SRGAP2C: variants seen among roughly 807,000 people sequenced by gnomAD.
SRGAP2C encodes SLIT-ROBO Rho GTPase activating protein 2C, also known as SLIT-ROBO Rho GTPase-activating protein 2C.
A neutral mutation model predicts 25.1 loss-of-function variants in SRGAP2C; 15 were observed. The observed-to-expected ratio is 0.60, with a 90% CI of 0.40 to 0.92. SRGAP2C has a LOEUF of 0.92. SRGAP2C is among the 40% of genes least tolerant of loss of function. The pLI is 0.00. For missense variants in SRGAP2C, 144 were observed against 264.4 expected (o/e 0.54, Z 3.16); for synonymous variants, 44 against 96.6 (o/e 0.46, Z 3.19).
At chr1:121,190,908 A>AT (rs1654654744) in intron 2 of SRGAP2C, among the ~76,000 whole-genome samples, 1 of 146,066 alleles carries the variant, frequency 6.8e-6, no homozygotes, top group Non-Finnish European at 1.5e-5. Flanking sequence ...TTGCCTCCCT[A>AT]TAAACCACCT....
At chr1:121,259,748 G>A (rs61790599) in intron 2 of SRGAP2C, among the ~76,000 whole-genome samples, 1 of 149,644 alleles carries the variant, frequency 6.7e-6, no homozygotes, top group Non-Finnish European at 1.5e-5. Context: ...AATTGCTAGT[G>A]TTTAGAAGGT....
chr1:121,225,690 C>G (rs1166265902), intron 2 of SRGAP2C, among the ~76,000 whole-genome samples: 1 of 149,592 alleles, frequency 6.7e-6, no homozygotes. Context: ...TTAATATTGA[C>G]AACTTACAGG....
intron 4 of SRGAP2C, among the ~76,000 whole-genome samples, chr1:121,357,426 G>A (rs1208767215): frequency 5.3e-5 from 8 of 150,114 alleles, no homozygotes; most frequent in South Asian, 2.1e-4. Flanking sequence ...GGAATAGAAG[G>A]TAATTGTATC....
chr1:121,232,651 T>C (rs1209157079), intron 2 of SRGAP2C, among the ~76,000 whole-genome samples: 2 of 151,484 alleles, frequency 1.3e-5, no homozygotes, highest in Admixed American at 1.3e-4. Flanking sequence ...CTCTGCACTT[T>C]CATAGTTTAC....
intron 2 of SRGAP2C, among the ~76,000 whole-genome samples, chr1:121,204,355 A>G (rs1353537303): frequency 6.6e-6 from 1 of 150,736 alleles, no homozygotes; most frequent in Admixed American, 6.6e-5. Context: ...GGTTGTATAG[A>G]TAAACTGAGA....
At chr1:121,222,454 C>A (rs1553325819) in intron 2 of SRGAP2C, among the ~76,000 whole-genome samples, 1 of 152,018 alleles carries the variant, frequency 6.6e-6, no homozygotes, top group African/African-American at 2.4e-5. Context: ...CATAAGGAGA[C>A]CCCATCTCTA....
chr1:121,372,250 G>A (rs1383331662), intron 5 of SRGAP2C, among the ~76,000 whole-genome samples: 3 of 152,142 alleles, frequency 2.0e-5, no homozygotes, highest in African/African-American at 7.2e-5. Context: ...GTAGGGCCTA[G>A]ATTAGTATAC....
chr1:121,319,568 G>A (rs1553340883), intron 3 of SRGAP2C, among the ~76,000 whole-genome samples: 24 of 151,714 alleles, frequency 1.6e-4, no homozygotes, highest in African/African-American at 5.6e-4. Flanking sequence ...TTTGTTGAAC[G>A]TCCATAAATA....
At chr1:121,353,428 C>CAAG in intron 4 of SRGAP2C, among the ~76,000 whole-genome samples, 2 of 148,076 alleles carry the variant, frequency 1.4e-5, no homozygotes, top group South Asian at 4.4e-4. Context: ...AGTGATCTTC[C>CAAG]TGCCTTGGCC....
At chr1:121,320,725 A>T (rs1658182512) in intron 3 of SRGAP2C, among the ~76,000 whole-genome samples, 2 of 152,080 alleles carry the variant, frequency 1.3e-5, no homozygotes, top group African/African-American at 4.8e-5. Flanking sequence ...ATTGATTTAG[A>T]TGGAAAAAAG....
At chr1:121,359,552 G>A (rs1193668494) in intron 4 of SRGAP2C, among the ~76,000 whole-genome samples, 1 of 152,154 alleles carries the variant, frequency 6.6e-6, no homozygotes, top group African/African-American at 2.4e-5. Flanking sequence ...AGGATTGTTT[G>A]AAGCCAGGAG....
chr1:121,190,351 T>A (rs2101363038), intron 2 of SRGAP2C, among the ~76,000 whole-genome samples: 1 of 151,736 alleles, frequency 6.6e-6, no homozygotes, highest in East Asian at 2.0e-4. Flanking sequence ...GTTTAAATCT[T>A]GGTTCTGCCA....
At chr1:121,192,268 A>C (rs2101369466) in intron 2 of SRGAP2C, among the ~76,000 whole-genome samples, 1 of 151,846 alleles carries the variant, frequency 6.6e-6, no homozygotes, top group East Asian at 2.0e-4. Flanking sequence ...TAATCAGTTA[A>C]ATATAGTCAG....
At position 121,278,222 on chromosome 1, in the gene SRGAP2C, C is replaced by T. The variant is rs1446038373; in HGVS notation, c.68-6581C>T. ...TCGGCTTCCCAAAGTCCTGGGATTACAGGGGTGAGCCACTGTGCCTGGCCT... is the reference window on the plus strand; with the variant it reads ...TCGGCTTCCCAAAGTCCTGGGATTATAGGGGTGAGCCACTGTGCCTGGCCT... On this transcript the variant is annotated intron_variant, in intron 2 of 9. Transcript: ENST00000367123. Among the ~76,000 whole-genome samples the T allele has an allele frequency of 4.3e-4, 65 of 151,994 alleles. 2 individuals are homozygous for T. Among genetic ancestry groups the T allele is most frequent in the African/African-American group, 1.1e-3 (44 of 41,528 alleles).
chr1:121,257,971 G>A (rs1242549527), intron 2 of SRGAP2C, among the ~76,000 whole-genome samples: 11 of 142,634 alleles, frequency 7.7e-5, no homozygotes, highest in Non-Finnish European at 6.2e-5. Context: ...GGGTGGGGGG[G>A]TGGGGTAGGG....
Position 121,191,460 on chromosome 1 carries a change from T to G in SRGAP2C, c.67+3947T>G, listed in dbSNP as rs1384766388. Among the ~76,000 whole-genome samples the G allele has an allele frequency of 1.0e-4, 15 of 148,218 alleles. No individual in the cohort carries two copies. In the East Asian group the frequency reaches 3.1e-3, roughly 31 times the overall value. On this transcript the variant is annotated intron_variant, in intron 2 of 9. Transcript: ENST00000367123. ...TTTTCTTGAATATTTTCCATTCCCATTTGGTTGAATCTGCAGATATGGAAC... is the reference window on the plus strand; with the variant it reads ...TTTTCTTGAATATTTTCCATTCCCAGTTGGTTGAATCTGCAGATATGGAAC...
intron 2 of SRGAP2C, among the ~76,000 whole-genome samples, chr1:121,221,785 G>A (rs1290995228): frequency 7.1e-6 from 1 of 140,718 alleles, no homozygotes; most frequent in African/African-American, 2.8e-5. Flanking sequence ...TGTAGAGTTG[G>A]CCAACTCAGG....
intron 2 of SRGAP2C, among the ~76,000 whole-genome samples, chr1:121,207,478 T>C (rs1403300650): frequency 2.4e-4 from 37 of 151,928 alleles, no homozygotes; most frequent in African/African-American, 8.2e-4. Flanking sequence ...CAAGTTCTTT[T>C]AAAGGCAGCC....
chr1:121,370,820 T>C (rs1193003629), intron 5 of SRGAP2C, among the ~76,000 whole-genome samples: 1 of 149,650 alleles, frequency 6.7e-6, no homozygotes, highest in Non-Finnish European at 1.5e-5. Flanking sequence ...TCTTCGGGCT[T>C]CTGTGATATA....
Sources: allele counts gnomAD v4.1 joint callset (sites outside exome capture counted in the v4.1 genomes callset), GRCh38; gene constraint gnomAD v4.1.1; transcripts MANE v1.5; gene names NCBI Gene and HGNC (gene_info 2026-07-23, HGNC 2026-07-21).